CYYR1: variants seen among roughly 807,000 people sequenced by gnomAD.
The protein encoded by CYYR1 is cysteine and tyrosine rich 1.
CYYR1 carries 14 observed loss-of-function variants against 15.2 expected under a neutral mutation model. The ratio of observed to expected loss-of-function variants is 0.92; its 90% CI spans 0.61 to 1.44. CYYR1 has a LOEUF of 1.44. CYYR1 is among the 40% of genes most tolerant of loss of function. CYYR1 has a pLI of 0.00. For synonymous variants in CYYR1, 80 were observed against 77.4 expected (o/e 1.03, Z -0.18); for missense variants, 228 against 209.5 (o/e 1.09, Z -0.54).
At chr21:26,524,165 A>T (rs1332254231) in intron 2 of CYYR1, among the ~76,000 whole-genome samples, 2 of 152,178 alleles carry the variant, frequency 1.3e-5, no homozygotes, top group Non-Finnish European at 2.9e-5. Context: ...GTTGTTTTGC[A>T]TGTTGGTATT....
intron 2 of CYYR1, among the ~76,000 whole-genome samples, chr21:26,486,528 G>A (rs1390475208): frequency 6.6e-6 from 1 of 152,026 alleles, no homozygotes; most frequent in East Asian, 1.9e-4. Flanking sequence ...TTTATTAAAA[G>A]CATTCCTCAT....
intron 2 of CYYR1, among the ~76,000 whole-genome samples, chr21:26,493,950 T>C (rs1261853810): frequency 6.6e-6 from 1 of 152,244 alleles, no homozygotes; most frequent in East Asian, 1.9e-4. Context: ...CAATGGACTC[T>C]TAACTGTCCT....
At chr21:26,495,055 T>C (rs977936600) in intron 2 of CYYR1, among the ~76,000 whole-genome samples, 1 of 152,200 alleles carries the variant, frequency 6.6e-6, no homozygotes, top group East Asian at 1.9e-4. Flanking sequence ...AATGACTGTT[T>C]TTCTACCAGA....
Position 26,524,800 on chromosome 21 carries a change from T to C in CYYR1, c.176+41466A>G, listed in dbSNP as rs200988245. Among the ~76,000 whole-genome samples the C allele has an allele frequency of 4.1e-3, 618 of 150,006 alleles. 2 individuals are homozygous for C. The highest frequency in any genetic ancestry group is 0.015 in the African/African-American group (591 of 40,744). On this transcript the variant is annotated intron_variant, in intron 2 of 3. Transcript: ENST00000652641. ...CTTTGCTCCACATATTTTGTTTTTT[T>C]AAGAAAATAAATGACTACAGGTAAA...
chr21:26,480,183 A>G, intron 3 of CYYR1, 89 bp downstream of exon 3: 1 of 1,327,042 alleles, frequency 7.5e-7, no homozygotes, highest in Non-Finnish European at 1.0e-6. Flanking sequence ...AGGTGGTTTC[A>G]TTGACCATCT....
intron 2 of CYYR1, among the ~76,000 whole-genome samples, chr21:26,565,435 G>C (rs1019867601): frequency 2.0e-5 from 3 of 152,090 alleles, no homozygotes; most frequent in Non-Finnish European, 4.4e-5. Flanking sequence ...GAAGACAGAG[G>C]CACAACCGTT....
chr21:26,490,366 G>A (rs142426633), intron 2 of CYYR1, among the ~76,000 whole-genome samples: 176 of 151,872 alleles, frequency 1.2e-3, no homozygotes, highest in Non-Finnish European at 2.3e-3. Context: ...TGGGTACTAC[G>A]ATACAAAGTT....
intron 2 of CYYR1, among the ~76,000 whole-genome samples, chr21:26,557,005 T>C (rs1281635625): frequency 6.6e-6 from 1 of 152,160 alleles, no homozygotes; most frequent in Non-Finnish European, 1.5e-5. Flanking sequence ...CAAGAGCCAG[T>C]GAGGAGTAGC....
At position 26,501,134 on chromosome 21, in the gene CYYR1, T is replaced by C. The variant is rs2065476013; in HGVS notation, c.177-20705A>G. 2.6e-5 allele frequency among the ~76,000 whole-genome samples: 4 copies of C among 152,120 alleles called. No homozygotes were observed. The South Asian group carries it at 8.3e-4, about 32-fold the overall frequency. On this transcript the variant is annotated intron_variant, in intron 2 of 3. Coordinates refer to ENST00000652641, the MANE Select transcript of CYYR1 (RefSeq NM_001320768.2). ...GCAGGCAGATCATGAAGTCAGGAGA[T>C]CGAGACCATCCTGGCCAACATGGTG...
intron 2 of CYYR1, among the ~76,000 whole-genome samples, chr21:26,481,223 A>C (rs1372529365): frequency 6.6e-6 from 1 of 152,164 alleles, no homozygotes; most frequent in Non-Finnish European, 1.5e-5. Flanking sequence ...AATTTTGACC[A>C]AGAAGCATCA....
intron 1 of CYYR1, chr21:26,567,844 A>T (rs534379381): frequency 6.6e-6 from 1 of 152,330 alleles, no homozygotes; most frequent in African/African-American, 2.4e-5. Context: ...TTACAAAGAG[A>T]TGTGATTAAA....
intron 2 of CYYR1, among the ~76,000 whole-genome samples, chr21:26,484,759 T>C (rs2065229093): frequency 6.6e-6 from 1 of 152,134 alleles, no homozygotes; most frequent in Non-Finnish European, 1.5e-5. Flanking sequence ...TTTATATTCA[T>C]TAATTCTTTT....
chr21:26,482,175 G>T, intron 2 of CYYR1: 1 of 537,728 alleles, frequency 1.9e-6, no homozygotes, highest in Non-Finnish European at 2.4e-6. Flanking sequence ...TCAGTCTTCA[G>T]TATTTACATT....
intron 3 of CYYR1, among the ~76,000 whole-genome samples, chr21:26,479,618 CAATA>C (rs1405593475): frequency 6.6e-6 from 1 of 152,106 alleles, no homozygotes; most frequent in Non-Finnish European, 1.5e-5. Context: ...AGCATATTCT[CAATA>C]AATATTTGTC....
At chr21:26,549,409 T>C (rs1232680778) in intron 2 of CYYR1, among the ~76,000 whole-genome samples, 2 of 152,238 alleles carry the variant, frequency 1.3e-5, no homozygotes, top group Non-Finnish European at 2.9e-5. Flanking sequence ...AATATTGTAC[T>C]CTTTTCCCTT....
At chr21:26,530,794 A>C (rs976514511) in intron 2 of CYYR1, among the ~76,000 whole-genome samples, 1 of 152,118 alleles carries the variant, frequency 6.6e-6, no homozygotes, top group African/African-American at 2.4e-5. Context: ...ACATGAACTC[A>C]TCCTTTTTTG....
intron 3 of CYYR1, among the ~76,000 whole-genome samples, chr21:26,473,244 C>A (rs1002295489): frequency 1.3e-5 from 2 of 152,018 alleles, no homozygotes; most frequent in African/African-American, 2.4e-5. Context: ...CTACTCTCCC[C>A]CAAACCCCAC....
At chr21:26,519,623 G>C (rs928870738) in intron 2 of CYYR1, among the ~76,000 whole-genome samples, 4 of 152,222 alleles carry the variant, frequency 2.6e-5, no homozygotes, top group Non-Finnish European at 5.9e-5. Flanking sequence ...GTTTTGAGCA[G>C]AGCAGTGGCA....
At chr21:26,547,519 A>T (rs1430554484) in intron 2 of CYYR1, among the ~76,000 whole-genome samples, 2 of 152,154 alleles carry the variant, frequency 1.3e-5, no homozygotes, top group Non-Finnish European at 2.9e-5. Flanking sequence ...CCCTAAGATC[A>T]TCCACACTTC....
Sources: gnomAD v4.1 joint callset for allele counts (sites outside exome capture counted in the v4.1 genomes callset) on GRCh38, gnomAD v4.1.1 for gene constraint, MANE v1.5 for transcripts, NCBI Gene and HGNC (gene_info 2026-07-23, HGNC 2026-07-21) for gene names.